ADAM2: variants seen among roughly 807,000 people sequenced by gnomAD.
ADAM2 encodes disintegrin and metalloproteinase domain-containing protein 2.
In ADAM2, 101 loss-of-function variants were observed where a neutral mutation model predicts 99.3. The ratio of observed to expected loss-of-function variants is 1.02; its 90% confidence interval spans 0.87 to 1.20. ADAM2 has a LOEUF of 1.20. ADAM2 is among the 50% of genes most tolerant of loss of function. The probability of loss-of-function intolerance (pLI) is 0.00; values close to 1 mark genes in which losing one functional copy is unlikely to be tolerated. For synonymous variants in ADAM2, 323 were observed against 287.6 expected (o/e 1.12, Z -1.25); for missense variants, 948 against 878.7 (o/e 1.08, Z -1.00).
At chr8:39,767,333 A>C in intron 12 of ADAM2, 82 bp from the exon 13 acceptor site, 1 of 1,179,662 alleles carries the variant, frequency 8.5e-7, no homozygotes, top group Non-Finnish European at 1.2e-6. Context: ...ACAACATATT[A>C]TATAACATAC....
At chr8:39,809,382 G>A in intron 7 of ADAM2, 28 bp downstream of exon 7, 6 of 844,428 alleles carry the variant, frequency 7.1e-6, no homozygotes, top group Non-Finnish European at 9.7e-6. Flanking sequence ...AAATATTAAG[G>A]GACATAAATA....
chr8:39,796,105 C>T (rs1803929823), intron 7 of ADAM2, among the ~76,000 whole-genome samples: 1 of 151,386 alleles, frequency 6.6e-6, no homozygotes, highest in Non-Finnish European at 1.5e-5. Flanking sequence ...GATACATGTG[C>T]AGAATGTGCA....
chr8:39,761,652 C>T (rs1297365660), intron 14 of ADAM2, among the ~76,000 whole-genome samples: 1 of 152,196 alleles, frequency 6.6e-6, no homozygotes, highest in African/African-American at 2.4e-5. Context: ...CTTTTCAAGT[C>T]AAACAACTAA....
intron 15 of ADAM2, among the ~76,000 whole-genome samples, chr8:39,759,680 G>A (rs1802277647): frequency 6.6e-6 from 1 of 152,124 alleles, no homozygotes; most frequent in South Asian, 2.1e-4. Flanking sequence ...AACAACAGAA[G>A]GGTAAAGCAA....
intron 7 of ADAM2, among the ~76,000 whole-genome samples, chr8:39,799,898 C>T (rs1804130736): frequency 6.6e-6 from 1 of 152,154 alleles, no homozygotes; most frequent in African/African-American, 2.4e-5. Flanking sequence ...TTCCCCATCC[C>T]TTTATTTTGA....
intron 7 of ADAM2, among the ~76,000 whole-genome samples, chr8:39,802,219 G>T (rs766534784): frequency 2.0e-5 from 3 of 152,198 alleles, no homozygotes; most frequent in Non-Finnish European, 2.9e-5. Flanking sequence ...CCTTGGCTGG[G>T]GGGAGGGGAT....
intron 7 of ADAM2, among the ~76,000 whole-genome samples, chr8:39,805,334 G>T (rs1804393440): frequency 2.0e-5 from 3 of 152,154 alleles, no homozygotes; most frequent in African/African-American, 4.8e-5. Flanking sequence ...CTATGACAAG[G>T]AGTAGAATGT....
chr8:39,776,377 G>A (rs1388619505), intron 11 of ADAM2, among the ~76,000 whole-genome samples: 1 of 152,052 alleles, frequency 6.6e-6, no homozygotes, highest in African/African-American at 2.4e-5. Context: ...CAGGCAATGA[G>A]GCTTGATTCT....
intron 3 of ADAM2, among the ~76,000 whole-genome samples, chr8:39,826,724 A>C (rs1156611300): frequency 6.6e-6 from 1 of 151,774 alleles, no homozygotes; most frequent in Non-Finnish European, 1.5e-5. Context: ...AAAAAAAAAA[A>C]CAAAAAAACC....
intron 2 of ADAM2, among the ~76,000 whole-genome samples, chr8:39,835,439 C>T (rs1198425598): frequency 1.3e-5 from 2 of 152,104 alleles, no homozygotes; most frequent in African/African-American, 2.4e-5. Flanking sequence ...AATCCCAGAA[C>T]TTTGGGAGGC....
chr8:39,808,117 TCA>T (rs1385806927), intron 7 of ADAM2, among the ~76,000 whole-genome samples: 1 of 151,302 alleles, frequency 6.6e-6, no homozygotes, highest in Non-Finnish European at 1.5e-5. Context: ...TAAAAAGGCT[TCA>T]CATTGGAAAG....
intron 18 of ADAM2, among the ~76,000 whole-genome samples, chr8:39,747,586 T>G (rs1823527821): frequency 6.6e-6 from 1 of 152,168 alleles, no homozygotes; most frequent in Admixed American, 6.5e-5. Flanking sequence ...TGAGATAAAA[T>G]TTTATTGCTC....
At chr8:39,766,245 C>G (rs541950654) in intron 14 of ADAM2, among the ~76,000 whole-genome samples, 1 of 152,104 alleles carries the variant, frequency 6.6e-6, no homozygotes, top group South Asian at 2.1e-4. Flanking sequence ...TTTACCAAAA[C>G]AAGGGATGGA....
At chr8:39,761,567 A>C (rs1014845741) in intron 14 of ADAM2, among the ~76,000 whole-genome samples, 7 of 152,218 alleles carry the variant, frequency 4.6e-5, no homozygotes, top group Non-Finnish European at 8.8e-5. Flanking sequence ...CTATAAATGC[A>C]TATCTATTAG....
At chr8:39,830,946 G>C (rs1165091256) in intron 3 of ADAM2, among the ~76,000 whole-genome samples, 1 of 152,128 alleles carries the variant, frequency 6.6e-6, no homozygotes, top group East Asian at 1.9e-4. Flanking sequence ...TTATGAAAGA[G>C]ATCTCAGAGA....
At position 39,778,949 on chromosome 8, in the gene ADAM2, A is replaced by T. The variant is rs114377803; in HGVS notation, c.892-1788T>A. Among the ~76,000 whole-genome samples the T allele has an allele frequency of 4.5e-3, 678 of 152,086 alleles. 8 individuals carry two copies. The highest frequency in any genetic ancestry group is 0.015 in the African/African-American group (638 of 41,512). On this transcript the variant is annotated intron_variant, in intron 10 of 20. Coordinates refer to ENST00000265708, the MANE Select transcript of ADAM2 (RefSeq NM_001464.5). ...TGTTTCCTGTTATCTCTTATAATTC[A>T]CTAAGATGGAAACAACAAGATCCAG...
rs199571906 is a variant in ADAM2, at chr8:39,787,073, A to G, written c.810-18T>C. The G allele has an allele frequency of 2.1e-5, 31 of 1,461,140 alleles. No individual in the cohort carries two copies. The East Asian group carries it at 6.3e-4, about 29-fold the overall frequency. 90.5% of individuals were successfully genotyped at this position (1,461,140 alleles called of 1,614,324 possible). A position where few individuals can be genotyped will look rare whatever the true frequency, so the allele number is the denominator to read the frequency against. On this transcript the variant is annotated intron_variant, in intron 9 of 20. Transcript: ENST00000265708. ...CTCTGTAACTTAAGTTTAAAAAGGG[A>G]TCATAATCATATAATTTTGTAAAAA...
rs1586136166 is a variant in ADAM2 at position 39,808,854 on chromosome 8, T to G, written c.570+556A>C. On this transcript the variant is annotated intron_variant, in intron 7 of 20. Coordinates refer to ENST00000265708, the MANE Select transcript of ADAM2 (RefSeq NM_001464.5). The stretch of plus-strand genomic sequence containing the variant: ...TCACTTGAACCCATGAAGCGGAGTT[T>G]GCAGTGAGCCGAGATCATGCCATTG... Among the ~76,000 whole-genome samples the G allele has an allele frequency of 1.3e-5, 2 of 152,226 alleles. 1 individual carries two copies. Among genetic ancestry groups the G allele is most frequent in the Non-Finnish European group, 2.9e-5 (2 of 68,010 alleles).
intron 17 of ADAM2, 75 bp downstream of exon 17, chr8:39,749,592 T>TGC: frequency 4.3e-6 from 6 of 1,406,658 alleles, no homozygotes; most frequent in Non-Finnish European, 5.0e-6. Context: ...TGTGCGTGTG[T>TGC]GTGTGTGTAG....
Sources: allele counts gnomAD v4.1 joint callset (sites outside exome capture counted in the v4.1 genomes callset), GRCh38; gene constraint gnomAD v4.1.1; transcripts MANE v1.5; gene names NCBI Gene and HGNC (gene_info 2026-07-23, HGNC 2026-07-21).